Variants in ZC3HAV1 observed in about 807,000 individuals in gnomAD.
ZC3HAV1 encodes zinc finger CCCH-type containing, antiviral 1.
In ZC3HAV1, 41 loss-of-function variants were observed where a neutral mutation model predicts 86.6. The ratio of observed to expected loss-of-function variants is 0.47; its 90% CI spans 0.37 to 0.61. The LOEUF (loss-of-function observed/expected upper bound fraction) is 0.61. Ranked by LOEUF, ZC3HAV1 falls within the 20% of genes least tolerant of loss-of-function variation. The pLI, the probability that ZC3HAV1 is intolerant of heterozygous loss-of-function variation, is 0.00. For missense variants in ZC3HAV1, 964 were observed against 1,141.1 expected (o/e 0.84, Z 2.24); for synonymous variants, 421 against 432.1 (o/e 0.97, Z 0.32).
intron 11 of ZC3HAV1, among the ~76,000 whole-genome samples, 162 bp downstream of exon 11, chr7:139,053,803 G>C (rs914606548): frequency 6.2e-5 from 9 of 145,570 alleles, no homozygotes; most frequent in Non-Finnish European, 4.5e-5. Flanking sequence ...AAGGCTGAGA[G>C]AGAGAAGCCA....
intron 7 of ZC3HAV1, among the ~76,000 whole-genome samples, chr7:139,065,299 G>A (rs1467090407): frequency 6.6e-6 from 1 of 152,142 alleles, no homozygotes; most frequent in Non-Finnish European, 1.5e-5. Context: ...CAAATATACA[G>A]AGCAACTTGC....
intron 9 of ZC3HAV1, chr7:139,060,569 G>C: frequency 2.0e-6 from 2 of 1,003,288 alleles, no homozygotes; most frequent in South Asian, 4.1e-5. Context: ...AGCCAGGCAC[G>C]GTGGCTCATG....
In ZC3HAV1 at chr7:139,078,671, A is replaced by T. The variant is rs1445225068; in HGVS notation, c.1472-18T>A. The T allele has an allele frequency of 1.3e-6, 2 of 1,524,862 alleles. No individual in the cohort carries two copies. Among genetic ancestry groups the T allele is most frequent in the Admixed American group, 4.7e-5 (2 of 42,642 alleles). 94.5% of individuals were successfully genotyped at this position (1,524,862 alleles called of 1,614,324 possible). A position where few individuals can be genotyped will look rare whatever the true frequency, so the allele number is the denominator to read the frequency against. On this transcript the variant is annotated intron_variant, in intron 4 of 12. Transcript: ENST00000242351. ...TAAAGAATCTATGAAACAAAAAAGG[A>T]TGCATGTATGCTGATCTTAATGTTT...
rs763920467 is a variant in ZC3HAV1 at position 139,079,506 on chromosome 7, C to A, written c.1435G>T (p.Ala479Ser). 1 of 1,614,166 alleles carries A rather than the reference C, an allele frequency of 6.2e-7. No homozygotes were observed. Reference sequence around the variant, plus strand: ...GCTACTCTTGGGTCAGCATCATCTGCGATTCTGCCAGTGGCCTGGACATCT... The same window carrying A: ...GCTACTCTTGGGTCAGCATCATCTGAGATTCTGCCAGTGGCCTGGACATCT... ...SRDVQATGRI[A>S]DDADPRVALV... is the part of the protein sequence containing the mutation. Residue 479 changes from alanine (A) to serine (S), a missense_variant, in exon 4 of 13, where the codon GCA becomes TCA. Transcript: ENST00000242351.
At chr7:139,102,277 G>A (rs1272256367) in intron 1 of ZC3HAV1, among the ~76,000 whole-genome samples, 1 of 152,114 alleles carries the variant, frequency 6.6e-6, no homozygotes, top group Non-Finnish European at 1.5e-5. Context: ...GGGACCACAG[G>A]TGTGTGCCAC....
At chr7:139,094,483 A>C (rs1584869303) in intron 1 of ZC3HAV1, among the ~76,000 whole-genome samples, 1 of 144,556 alleles carries the variant, frequency 6.9e-6, no homozygotes, top group Non-Finnish European at 1.5e-5. Context: ...GAGTTGCAGT[A>C]GGAGGTGATA....
chr7:139,056,475 AG>A (rs1322818557), intron 9 of ZC3HAV1, among the ~76,000 whole-genome samples: 1 of 144,532 alleles, frequency 6.9e-6, no homozygotes, highest in Non-Finnish European at 1.5e-5. Context: ...AATGGTGCAA[AG>A]ACAGCTCAAC....
intron 1 of ZC3HAV1, among the ~76,000 whole-genome samples, chr7:139,096,371 G>C (rs1817588978): frequency 6.6e-6 from 1 of 152,014 alleles, no homozygotes; most frequent in Admixed American, 6.6e-5. Context: ...CCTCTCACAG[G>C]CTGGCTTCTC....
intron 1 of ZC3HAV1, among the ~76,000 whole-genome samples, chr7:139,101,510 T>C (rs1817769854): frequency 3.1e-5 from 3 of 95,930 alleles, no homozygotes; most frequent in Non-Finnish European, 6.1e-5. Flanking sequence ...GTCTGGGAGG[T>C]GTACCCAACA....
intron 1 of ZC3HAV1, among the ~76,000 whole-genome samples, chr7:139,101,817 G>C (rs954512811): frequency 6.6e-6 from 1 of 151,818 alleles, no homozygotes; most frequent in Admixed American, 6.6e-5. Context: ...CAGCAGACTC[G>C]TTAAGAGTCA....
chr7:139,048,904 C>T (rs1327533975), intron 12 of ZC3HAV1, among the ~76,000 whole-genome samples: 3 of 152,078 alleles, frequency 2.0e-5, no homozygotes, highest in Non-Finnish European at 4.4e-5. Flanking sequence ...TACTGACCTA[C>T]GACGTCCAAT....
chr7:139,054,723 A>G (rs1816231780), intron 10 of ZC3HAV1, among the ~76,000 whole-genome samples: 1 of 152,198 alleles, frequency 6.6e-6, no homozygotes, highest in South Asian at 2.1e-4. Context: ...TCTCTGGGAA[A>G]GAGAACCATT....
chr7:139,100,538 A>G (rs1262530663), intron 1 of ZC3HAV1, among the ~76,000 whole-genome samples: 3 of 131,674 alleles, frequency 2.3e-5, no homozygotes, highest in Non-Finnish European at 3.5e-5. Context: ...TGTCTCAAAA[A>G]AAAACAAAAA....
chr7:139,074,541 GA>G (rs1816877717), intron 6 of ZC3HAV1, among the ~76,000 whole-genome samples: 1 of 152,052 alleles, frequency 6.6e-6, no homozygotes, highest in African/African-American at 2.4e-5. Context: ...GTTGAATAAA[GA>G]AGCGGATATG....
chr7:139,089,744 A>G lies in ZC3HAV1; in HGVS notation c.324T>C (p.Tyr108=), dbSNP rs1817376024. The part of the protein sequence containing the change: ...YSQSERNLCK[Y]SHEVLSEENF... The stretch of plus-strand genomic sequence containing the variant: ...TCTCTTCTGAGAGAACCTCATGAGA[A>G]TATTTGCATAAATTCCTGGAAGAAA... Residue 108 remains tyrosine, a synonymous_variant, in exon 2 of 13, where the codon TAT becomes TAC. Coordinates refer to ENST00000242351, the MANE Select transcript of ZC3HAV1 (RefSeq NM_020119.4). 2 of 1,609,850 alleles carry G rather than the reference A, an allele frequency of 1.2e-6. No individual in the cohort carries two copies. The highest frequency in any genetic ancestry group is 1.7e-6 in the Non-Finnish European group (2 of 1,178,832).
rs149644102 is a variant in ZC3HAV1 at position 139,048,475 on chromosome 7, G to A, written c.2450-622C>T. On this transcript the variant is annotated intron_variant, in intron 12 of 12. Transcript: ENST00000242351. ...TTAAAAATTAGCCGGGCATGGTGGC[G>A]TGCACTTGTAATCTCAGCTACTCAG... 2.1e-3 allele frequency among the ~76,000 whole-genome samples: 324 copies of A among 151,990 alleles called. 2 individuals carry two copies. Among genetic ancestry groups the A allele is most frequent in the African/African-American group, 7.5e-3 (312 of 41,452 alleles).
intron 11 of ZC3HAV1, 135 bp from the exon 12 acceptor site, chr7:139,053,716 G>T (rs1313034124): frequency 8.2e-7 from 1 of 1,220,118 alleles, no homozygotes. Context: ...CTAACTTTAA[G>T]GCAGCAGCTG....
chr7:139,055,266 G>T lies in ZC3HAV1; in HGVS notation c.2126C>A (p.Ser709Tyr). The T allele has an allele frequency of 6.2e-7, 1 of 1,613,392 alleles. No individual in the cohort carries two copies. The highest frequency in any genetic ancestry group is 8.5e-7 in the Non-Finnish European group (1 of 1,179,570). ...DHQPAKTSSVSLTATFRPQED... is the reference protein window; with the variant it reads ...DHQPAKTSSVYLTATFRPQED... The stretch of plus-strand genomic sequence containing the variant: ...CTGAGGACGAAAGGTCGCAGTTAAA[G>T]ACACTGACGAGGTCTTTGCTGGCTG... The change falls in exon 10 of 13, where the codon TCT (serine) becomes TAT (tyrosine). Residue 709 changes from serine to tyrosine, a missense_variant. Ser to Tyr is a moderately radical substitution (Grantham distance 144). Transcript: ENST00000242351.
intron 5 of ZC3HAV1, among the ~76,000 whole-genome samples, chr7:139,078,068 G>A (rs999331338): frequency 4.6e-5 from 7 of 152,262 alleles, no homozygotes; most frequent in Non-Finnish European, 8.8e-5. Context: ...CAAAAACTCC[G>A]TCTCTACTAA....
Sources: gnomAD v4.1 joint callset for allele counts (sites outside exome capture counted in the v4.1 genomes callset) on GRCh38, gnomAD v4.1.1 for gene constraint, MANE v1.5 for transcripts, NCBI Gene and HGNC (gene_info 2026-07-23, HGNC 2026-07-21) for gene names.